Variants in VSX2 observed in about 807,000 individuals in gnomAD.
VSX2 encodes the protein ceh-10 homeo domain containing homolog.
VSX2 carries 28 observed loss-of-function variants against 32.1 expected under a neutral mutation model. The observed-to-expected ratio is 0.87, with a 90% CI of 0.65 to 1.20. VSX2 has a LOEUF of 1.20. VSX2 is among the 50% of genes most tolerant of loss of function. The probability of loss-of-function intolerance (pLI) is 0.00; values close to 1 mark genes in which losing one functional copy is unlikely to be tolerated. For missense variants in VSX2, 506 were observed against 488.7 expected (o/e 1.04, Z -0.33); for synonymous variants, 243 against 214.1 (o/e 1.14, Z -1.18).
chr14:74,252,826 T>C (rs2079238530), intron 3 of VSX2, among the ~76,000 whole-genome samples: 1 of 151,170 alleles, frequency 6.6e-6, no homozygotes, highest in South Asian at 2.1e-4. Flanking sequence ...GGAGGGCGGA[T>C]CACCTTGAGG....
At chr14:74,244,919 T>TGAGAGAGA (rs1178977213) in intron 2 of VSX2, among the ~76,000 whole-genome samples, 2 of 41,148 alleles carry the variant, frequency 4.9e-5, no homozygotes, top group African/African-American at 1.1e-4. Context: ...TGTGTGTGTG[T>TGAGAGAGA]GTGTGTGTGT....
intron 3 of VSX2, among the ~76,000 whole-genome samples, chr14:74,251,032 C>G (rs1023036776): frequency 6.6e-6 from 1 of 151,652 alleles, no homozygotes; most frequent in Non-Finnish European, 1.5e-5. Flanking sequence ...CAAACATCTT[C>G]GGCAGGTCAC....
At chr14:74,245,806 T>G (rs1466309362) in intron 3 of VSX2, among the ~76,000 whole-genome samples, 1 of 151,916 alleles carries the variant, frequency 6.6e-6, no homozygotes, top group Non-Finnish European at 1.5e-5. Flanking sequence ...CACCTAAGGC[T>G]CCTTCCTCCC....
At chr14:74,244,559 C>T (rs2095343299) in intron 2 of VSX2, among the ~76,000 whole-genome samples, 1 of 152,092 alleles carries the variant, frequency 6.6e-6, no homozygotes, top group African/African-American at 2.4e-5. Flanking sequence ...AATCTTCTAA[C>T]TTTGAAAGGC....
chr14:74,254,288 G>A (rs778664426), intron 3 of VSX2, among the ~76,000 whole-genome samples: 1 of 152,156 alleles, frequency 6.6e-6, no homozygotes, highest in African/African-American at 2.4e-5. Flanking sequence ...CCAGGTGCCT[G>A]TAATCCCAGC....
rs2079206491 is a variant in VSX2, at chr14:74,248,344, A to AAAC, written c.579+3058_579+3059insCAA. Among the ~76,000 whole-genome samples the AAAC allele has an allele frequency of 2.9e-5, 4 of 138,804 alleles. 1 individual carries two copies. The South Asian group carries it at 9.4e-4, about 33-fold the overall frequency. The allele number at this position is 138,804 out of a possible 152,430, so 91.1% of individuals were successfully genotyped here. On this transcript the variant is annotated intron_variant, in intron 3 of 4. Coordinates refer to ENST00000261980, the MANE Select transcript of VSX2 (RefSeq NM_182894.3). ...AGTTTGAGACCAGGCTAAAAAAAAA[A>AAAC]AAAAAAACAAAAAAAACCAAAAACG...
In VSX2 at chr14:74,241,059, C is replaced by A; in HGVS notation, c.371-123C>A. 6.0e-6 allele frequency: 6 copies of A among 993,614 alleles called. No individual in the cohort carries two copies. The South Asian group carries it at 7.9e-5, about 13-fold the overall frequency. 61.5% of individuals were successfully genotyped at this position (993,614 alleles called of 1,614,324 possible). On this transcript the variant is annotated intron_variant, in intron 1 of 4. Coordinates refer to ENST00000261980, the MANE Select transcript of VSX2 (RefSeq NM_182894.3). ...CGGCCACCGGGGCGCCCGCAGGCTT[C>A]CTGGGGAGACAGAGCAGGTCCCCGC...
At position 74,241,021 on chromosome 14, in the gene VSX2, C is replaced by A. The variant is rs569286014; in HGVS notation, c.371-161C>A. 1.8e-3 allele frequency among the ~76,000 whole-genome samples: 271 copies of A among 152,298 alleles called. 1 individual carries two copies. The highest frequency in any genetic ancestry group is 6.8e-3 in the Middle Eastern group (2 of 294). Reference sequence around the variant, plus strand: ...CCGGCGCGGGAGAGGTCAGCCTGAGCTCAGGGATGGGACGGCCACCGGGGC... The same window carrying A: ...CCGGCGCGGGAGAGGTCAGCCTGAGATCAGGGATGGGACGGCCACCGGGGC... On this transcript the variant is annotated intron_variant, in intron 1 of 4. Coordinates refer to ENST00000261980, the MANE Select transcript of VSX2 (RefSeq NM_182894.3).
chr14:74,244,880 AAGTGTGTGTGTGTGTGTGTGT>A (rs2079173816), intron 2 of VSX2, among the ~76,000 whole-genome samples: 1 of 24,156 alleles, frequency 4.1e-5, no homozygotes, highest in Non-Finnish European at 1.1e-4. Context: ...GAGAGAGAGA[AAGTGTGTGTGTGTGTGTGTGT>A]GTGTGTGTGT....
intron 3 of VSX2, among the ~76,000 whole-genome samples, chr14:74,249,936 G>A (rs998980545): frequency 5.3e-5 from 8 of 152,002 alleles, no homozygotes; most frequent in South Asian, 2.1e-4. Context: ...CAGGCACACC[G>A]TCTTCTTTGT....
intron 4 of VSX2, 147 bp downstream of exon 4, chr14:74,259,929 T>A (rs1302062294): frequency 1.1e-6 from 1 of 903,578 alleles, no homozygotes; most frequent in Non-Finnish European, 1.6e-6. Flanking sequence ...TCTTGGTCTA[T>A]CCTGGGGGAC....
At position 74,260,007 on chromosome 14, in the gene VSX2, A is replaced by G. The variant is rs10132103; in HGVS notation, c.760+225A>G. On this transcript the variant is annotated intron_variant, in intron 4 of 4. Coordinates refer to ENST00000261980, the MANE Select transcript of VSX2 (RefSeq NM_182894.3). Reference sequence around the variant, plus strand: ...CTGGGTGCCAAGAACTCTCATCATGAACGAGTCCCTAACTGTGGATTATTT... The same window carrying G: ...CTGGGTGCCAAGAACTCTCATCATGGACGAGTCCCTAACTGTGGATTATTT... Among the ~76,000 whole-genome samples the G allele has an allele frequency of 0.57, 86,457 of 152,096 alleles. 25,724 individuals carry two copies. The highest frequency in any genetic ancestry group is 0.93 in the East Asian group (4,813 of 5,172).
Position 74,239,511 on chromosome 14 carries a change from G to C in VSX2, c.-51G>C. 2 of 1,549,012 alleles carry C rather than the reference G, an allele frequency of 1.3e-6. No individual in the cohort carries two copies. Among genetic ancestry groups the C allele is most frequent in the South Asian group, 2.4e-5 (2 of 83,932 alleles). On this transcript the variant is annotated 5_prime_UTR_variant, in exon 1 of 5. Coordinates refer to ENST00000261980, the MANE Select transcript of VSX2 (RefSeq NM_182894.3). ...CGCGAAGCGGGAAGCCCGGCGGGGG[G>C]GTGGGGGGAGCTAAAGACCTGCGGC...
chr14:74,240,194 T>A (rs1263313871), intron 1 of VSX2, among the ~76,000 whole-genome samples: 2 of 152,200 alleles, frequency 1.3e-5, no homozygotes, highest in East Asian at 3.9e-4. Context: ...GCCACGGCAC[T>A]CTGTTGGAGC....
intron 2 of VSX2, among the ~76,000 whole-genome samples, chr14:74,244,924 G>A (rs1358384210): frequency 8.7e-6 from 1 of 115,524 alleles, no homozygotes; most frequent in African/African-American, 3.5e-5. Flanking sequence ...GTGTGTGTGT[G>A]TGTGTGAAAG....
rs1367217011 is a variant in VSX2, at chr14:74,260,665, C to G, written c.832C>G (p.Pro278Ala). 4.4e-6 allele frequency: 7 copies of G among 1,601,426 alleles called. No homozygotes were observed. The highest frequency in any genetic ancestry group is 6.0e-6 in the Non-Finnish European group (7 of 1,174,726). Residue 278 changes from proline (P) to alanine (A), a missense_variant, in exon 5 of 5, where the codon CCC becomes GCC. Transcript: ENST00000261980. ...GCCCGAGGGGGAACGCCAGGCCCTGCCCAAGCTCGACAAGATGGAGCAGGA... is the reference window on the plus strand; with the variant it reads ...GCCCGAGGGGGAACGCCAGGCCCTGGCCAAGCTCGACAAGATGGAGCAGGA... ...RKPEGERQAL[P>A]KLDKMEQDER...
At chr14:74,248,969 C>T (rs2079212893) in intron 3 of VSX2, among the ~76,000 whole-genome samples, 2 of 152,134 alleles carry the variant, frequency 1.3e-5, no homozygotes, top group Admixed American at 6.5e-5. Context: ...TTAACAGGCC[C>T]AGATGGACCG....
rs756475048 is a variant in VSX2 at position 74,260,655 on chromosome 14, C to G, written c.822C>G (p.Arg274=). The G allele has an allele frequency of 1.0e-5, 16 of 1,603,398 alleles. No homozygotes were observed. The South Asian group carries it at 1.4e-4, about 14-fold the overall frequency. The change falls in exon 5 of 5, where the codon CGC becomes CGG. Residue 274 remains arginine, a synonymous_variant. Coordinates refer to ENST00000261980, the MANE Select transcript of VSX2 (RefSeq NM_182894.3). ...AESGRKPEGE[R]QALPKLDKME... ...CGGGGAGGAAGCCCGAGGGGGAACGCCAGGCCCTGCCCAAGCTCGACAAGA... is the reference window on the plus strand; with the variant it reads ...CGGGGAGGAAGCCCGAGGGGGAACGGCAGGCCCTGCCCAAGCTCGACAAGA...
chr14:74,259,870 C>A, intron 4 of VSX2, 88 bp downstream of exon 4: 1 of 1,360,758 alleles, frequency 7.3e-7, no homozygotes, highest in Non-Finnish European at 1.0e-6. Flanking sequence ...GAGGCAGGGG[C>A]ACTTGGGCCA....
Sources: gnomAD v4.1 joint callset for allele counts (sites outside exome capture counted in the v4.1 genomes callset) on GRCh38, gnomAD v4.1.1 for gene constraint, MANE v1.5 for transcripts, NCBI Gene and HGNC (gene_info 2026-07-23, HGNC 2026-07-21) for gene names.